DGKI: variants seen among roughly 807,000 people sequenced by gnomAD.
DGKI encodes the protein DAG kinase iota.
A neutral mutation model predicts 147.5 loss-of-function variants in DGKI; 55 were observed. That is an observed-to-expected ratio of 0.37 (90% CI 0.30 to 0.47). The LOEUF is 0.47. Among genes scored for constraint, DGKI ranks in the 20% least tolerant of loss-of-function variants. The probability of loss-of-function intolerance (pLI) is 1.00; values close to 1 mark genes in which losing one functional copy is unlikely to be tolerated. For missense variants in DGKI, 1,007 were observed against 1,323.8 expected (o/e 0.76, Z 3.71); for synonymous variants, 469 against 477.1 (o/e 0.98, Z 0.22).
chr7:137,484,508 C>T (rs1815484264), intron 23 of DGKI, among the ~76,000 whole-genome samples: 1 of 152,030 alleles, frequency 6.6e-6, no homozygotes, highest in East Asian at 1.9e-4. Flanking sequence ...CTTAACAGGG[C>T]AGGGTAAGGA....
chr7:137,819,388 C>T (rs989593630), intron 1 of DGKI, among the ~76,000 whole-genome samples: 10 of 151,670 alleles, frequency 6.6e-5, no homozygotes, highest in African/African-American at 1.5e-4. Flanking sequence ...CTCGGCTCAC[C>T]GCAAGCTCCA....
chr7:137,627,085 CTATT>C (rs1263164817), intron 6 of DGKI, among the ~76,000 whole-genome samples: 1 of 152,070 alleles, frequency 6.6e-6, no homozygotes, highest in Non-Finnish European at 1.5e-5. Context: ...TTTTATAGTT[CTATT>C]TATTTATTTA....
In DGKI at chr7:137,692,102, A is replaced by G. The variant is rs190546185; in HGVS notation, c.402-2100T>C. On this transcript the variant is annotated intron_variant, in intron 1 of 32. Coordinates refer to ENST00000614521, the MANE Select transcript of DGKI (RefSeq NM_001321708.2). ...AGCATATTCCATATCATCGAGCAATAAGAAAGTAACAGTGGAAGAATCTTA... is the reference window on the plus strand; with the variant it reads ...AGCATATTCCATATCATCGAGCAATGAGAAAGTAACAGTGGAAGAATCTTA... 2.9e-3 allele frequency among the ~76,000 whole-genome samples: 443 copies of G among 152,318 alleles called. 1 individual carries two copies. The highest frequency in any genetic ancestry group is 3.5e-3 in the South Asian group (17 of 4,820).
intron 21 of DGKI, among the ~76,000 whole-genome samples, chr7:137,509,328 C>T (rs1299208906): frequency 1.3e-5 from 2 of 151,908 alleles, no homozygotes; most frequent in Admixed American, 6.6e-5. Context: ...AGTGAGGAAG[C>T]GAATACAGTC....
At chr7:137,721,653 C>T (rs993907125) in intron 1 of DGKI, among the ~76,000 whole-genome samples, 1 of 152,196 alleles carries the variant, frequency 6.6e-6, no homozygotes, top group Non-Finnish European at 1.5e-5. Context: ...TAAATCTGTA[C>T]ACCTAACATT....
intron 3 of DGKI, among the ~76,000 whole-genome samples, chr7:137,670,972 A>G (rs1232851731): frequency 6.6e-6 from 1 of 152,176 alleles, no homozygotes; most frequent in Non-Finnish European, 1.5e-5. Context: ...GTCCCCAGTA[A>G]TGCATGTCGG....
intron 1 of DGKI, among the ~76,000 whole-genome samples, chr7:137,842,872 C>T (rs1798586676): frequency 6.6e-6 from 1 of 152,030 alleles, no homozygotes. Flanking sequence ...TATGTAATGA[C>T]CTGCCGTGTA....
chr7:137,612,374 A>G (rs1283100072), intron 8 of DGKI, among the ~76,000 whole-genome samples: 12 of 152,108 alleles, frequency 7.9e-5, no homozygotes, highest in Non-Finnish European at 1.5e-5. Context: ...ACCTGGACGC[A>G]TCTATGTGAG....
At chr7:137,417,301 T>A (rs1211657582) in intron 28 of DGKI, among the ~76,000 whole-genome samples, 1 of 152,224 alleles carries the variant, frequency 6.6e-6, no homozygotes, top group Non-Finnish European at 1.5e-5. Context: ...CACAAACTTA[T>A]GAAGACAGGA....
intron 19 of DGKI, among the ~76,000 whole-genome samples, chr7:137,553,515 A>G (rs940090462): frequency 6.6e-6 from 1 of 152,138 alleles, no homozygotes; most frequent in Non-Finnish European, 1.5e-5. Flanking sequence ...GTCTGTCATT[A>G]AGGAGCAACA....
chr7:137,630,475 CAAGA>C (rs1390178966), intron 6 of DGKI, among the ~76,000 whole-genome samples: 6 of 152,142 alleles, frequency 3.9e-5, no homozygotes, highest in African/African-American at 1.4e-4. Flanking sequence ...ATTTAAGGCA[CAAGA>C]TTCTCAGTAC....
intron 1 of DGKI, among the ~76,000 whole-genome samples, chr7:137,742,000 A>T (rs1025086): frequency 0.26 from 39,324 of 152,130 alleles, 5,358 homozygotes; most frequent in Middle Eastern, 0.36. Flanking sequence ...GAGAAAAGTT[A>T]TGAGTACACA....
intron 12 of DGKI, among the ~76,000 whole-genome samples, chr7:137,595,756 C>G (rs1276314398): frequency 6.6e-6 from 1 of 152,054 alleles, no homozygotes; most frequent in Non-Finnish European, 1.5e-5. Context: ...GTAATCCCAG[C>G]ACTTTGGGAG....
chr7:137,749,145 T>C (rs1795426022), intron 1 of DGKI, among the ~76,000 whole-genome samples: 1 of 152,208 alleles, frequency 6.6e-6, no homozygotes, highest in South Asian at 2.1e-4. Flanking sequence ...ACCATTTTAT[T>C]TCAATAAACA....
rs1159456744 is a variant in DGKI at position 137,388,654 on chromosome 7, T to C, written c.*2566A>G. 1 of 152,130 alleles carries C rather than the reference T, an allele frequency of 6.6e-6. No individual in the cohort carries two copies. The highest frequency in any genetic ancestry group is 6.6e-5 in the Admixed American group (1 of 15,248). 9.4% of individuals were successfully genotyped at this position (152,130 alleles called of 1,614,324 possible). On this transcript the variant is annotated 3_prime_UTR_variant, in exon 33 of 33. Transcript: ENST00000614521. Reference sequence around the variant, plus strand: ...AAGCCCAGGACCAATTTTTAAAACATGCTACAGGAGGTGGTTTAATGTTGA... The same window carrying C: ...AAGCCCAGGACCAATTTTTAAAACACGCTACAGGAGGTGGTTTAATGTTGA...
At chr7:137,792,750 G>A (rs1796893670) in intron 1 of DGKI, among the ~76,000 whole-genome samples, 2 of 152,262 alleles carry the variant, frequency 1.3e-5, no homozygotes, top group South Asian at 4.1e-4. Flanking sequence ...TCACATGGGA[G>A]CTGGTTGTTT....
chr7:137,835,062 G>A (rs113078825), intron 1 of DGKI, among the ~76,000 whole-genome samples: 51 of 152,272 alleles, frequency 3.3e-4, no homozygotes, highest in African/African-American at 1.2e-3. Flanking sequence ...AGCTGCCAGC[G>A]AAAGCTCAAT....
chr7:137,407,571 A>G (rs577125589), intron 30 of DGKI, among the ~76,000 whole-genome samples: 1 of 152,258 alleles, frequency 6.6e-6, no homozygotes, highest in African/African-American at 2.4e-5. Context: ...AATAAAGCAC[A>G]CGATGCCAGG....
At chr7:137,507,441 A>G (rs1443591893) in intron 21 of DGKI, among the ~76,000 whole-genome samples, 1 of 152,210 alleles carries the variant, frequency 6.6e-6, no homozygotes, top group Admixed American at 6.5e-5. Context: ...TGCTTTTATC[A>G]TGATAGTATA....
Sources: gnomAD v4.1 joint callset for allele counts (sites outside exome capture counted in the v4.1 genomes callset) on GRCh38, gnomAD v4.1.1 for gene constraint, MANE v1.5 for transcripts, NCBI Gene and HGNC (gene_info 2026-07-23, HGNC 2026-07-21) for gene names.